DNA2: variants seen among roughly 807,000 people sequenced by gnomAD.
The protein encoded by DNA2 is DNA replication ATP-dependent helicase/nuclease DNA2.
A neutral mutation model predicts 119.1 loss-of-function variants in DNA2; 101 were observed. The observed-to-expected ratio is 0.85, with a 90% CI of 0.72 to 1.00. The LOEUF (loss-of-function observed/expected upper bound fraction) is 1.00, where lower values mean the gene tolerates loss of function less well. Ranked by LOEUF, DNA2 falls within the 50% of genes least tolerant of loss-of-function variation. The pLI, the probability that DNA2 is intolerant of heterozygous loss-of-function variation, is 0.00. For synonymous variants in DNA2, 366 were observed against 424.4 expected (o/e 0.86, Z 1.69); for missense variants, 1,121 against 1,255.5 (o/e 0.89, Z 1.62).
chr10:68,459,140 T>C lies in DNA2; in HGVS notation c.683A>G (p.Asn228Ser). The C allele has an allele frequency of 2.5e-6, 4 of 1,599,492 alleles. No individual in the cohort carries two copies. The highest frequency in any genetic ancestry group is 3.4e-6 in the Non-Finnish European group (4 of 1,172,274). Residue 228 changes from asparagine (N) to serine (S), a missense_variant, in exon 5 of 21, where the codon AAC becomes AGC. Physicochemically the swap from Asn to Ser is conservative, Grantham distance 46 (BLOSUM62 1). Coordinates refer to ENST00000358410, the MANE Select transcript of DNA2 (RefSeq NM_001080449.3). ...CKWAGDFMHK[N>S]TSTDFPQMQL... ...CATCTGAGGGAAGTCAGTCGAAGTG[T>C]TTTTATGCATGAAATCTCCTGCCCA...
intron 2 of DNA2, among the ~76,000 whole-genome samples, chr10:68,469,557 G>C (rs1231670678): frequency 6.6e-6 from 1 of 152,088 alleles, no homozygotes; most frequent in Non-Finnish European, 1.5e-5. Flanking sequence ...CCACCTCCCA[G>C]GTTCAAGCAA....
intron 19 of DNA2, among the ~76,000 whole-genome samples, chr10:68,418,830 G>A (rs2051627116): frequency 6.6e-6 from 1 of 151,548 alleles, no homozygotes; most frequent in African/African-American, 2.4e-5. Flanking sequence ...CTGCCACCAC[G>A]CCCGGCTAAT....
chr10:68,417,239 CAAAA>C (rs34123746), intron 19 of DNA2, among the ~76,000 whole-genome samples: 1 of 110,400 alleles, frequency 9.1e-6, no homozygotes, highest in African/African-American at 3.4e-5. Flanking sequence ...CCTAGCCTCT[CAAAA>C]AAAAAAAAAG....
Position 68,422,697 on chromosome 10 carries a change from C to T in DNA2, c.2402G>A (p.Arg801Lys). ...AATTAACACTTAAGTGTCTGCCTACCTTGCTTCACGGTTTAGCACCAGGGG... is the reference window on the plus strand; with the variant it reads ...AATTAACACTTAAGTGTCTGCCTACTTTGCTTCACGGTTTAGCACCAGGGG... ...LPPLVLNREA[R>K]ALGMSESLFK... The change falls in exon 15 of 21, where the codon AGA (arginine) becomes AAA (lysine). Residue 801 changes from arginine (R) to lysine (K), a missense_variant and splice_region_variant. Coordinates refer to ENST00000358410, the MANE Select transcript of DNA2 (RefSeq NM_001080449.3). 6.2e-7 allele frequency: 1 copy of T among 1,613,378 alleles called. No homozygotes were observed.
In DNA2 at chr10:68,416,760, A is replaced by G; in HGVS notation, c.3063T>C (p.Asn1021=). The G allele has an allele frequency of 6.2e-7, 1 of 1,613,964 alleles. No individual in the cohort carries two copies. Among genetic ancestry groups the G allele is most frequent in the Non-Finnish European group, 8.5e-7 (1 of 1,179,828 alleles). Residue 1021 remains asparagine (N), a synonymous_variant, in exon 20 of 21, where the codon AAT becomes AAC. Coordinates refer to ENST00000358410, the MANE Select transcript of DNA2 (RefSeq NM_001080449.3). ...GCAGCTTCTCCAAAGGAGGATAGCAATTTAGTGAGGGCACACACCCCAGAA... is the reference window on the plus strand; with the variant it reads ...GCAGCTTCTCCAAAGGAGGATAGCAGTTTAGTGAGGGCACACACCCCAGAA... ...LILLGCVPSL[N]CYPPLEKLLN...
At position 68,458,828 on chromosome 10, in the gene DNA2, C is replaced by A. The variant is rs113625215; in HGVS notation, c.719+276G>T. On this transcript the variant is annotated intron_variant, in intron 5 of 20. Coordinates refer to ENST00000358410, the MANE Select transcript of DNA2 (RefSeq NM_001080449.3). The stretch of plus-strand genomic sequence containing the variant: ...AGTGCCACTGTATTTCCAGCCTGTG[C>A]GACAGAGCAAAACTCCATCTCAAAA... Among the ~76,000 whole-genome samples, 3 of 151,510 alleles carry A rather than the reference C, an allele frequency of 2.0e-5. 1 individual carries two copies. Among genetic ancestry groups the A allele is most frequent in the African/African-American group, 7.3e-5 (3 of 41,304 alleles).
intron 3 of DNA2, among the ~76,000 whole-genome samples, chr10:68,467,353 C>T (rs2133448361): frequency 6.6e-6 from 1 of 152,146 alleles, no homozygotes; most frequent in South Asian, 2.1e-4. Flanking sequence ...TCATGAACTG[C>T]TCACCTCGGC....
At chr10:68,446,458 G>A (rs1428362676) in intron 6 of DNA2, 45 bp from the exon 7 acceptor site, 15 of 1,176,798 alleles carry the variant, frequency 1.3e-5, no homozygotes, top group Admixed American at 4.6e-5. Context: ...ATAACTTCTT[G>A]TATTTCCTTA....
intron 5 of DNA2, among the ~76,000 whole-genome samples, chr10:68,457,816 T>C (rs1034165226): frequency 1.1e-4 from 17 of 148,598 alleles, no homozygotes; most frequent in African/African-American, 4.0e-4. Flanking sequence ...ATATAGCACA[T>C]CCATATGACA....
chr10:68,417,369 G>T (rs574745484), intron 19 of DNA2, among the ~76,000 whole-genome samples: 1 of 124,978 alleles, frequency 8.0e-6, no homozygotes, highest in African/African-American at 2.9e-5. Context: ...AATGAACTAA[G>T]GAGAGGTAAA....
chr10:68,464,968 C>T (rs1349160484), intron 4 of DNA2, among the ~76,000 whole-genome samples: 3 of 147,878 alleles, frequency 2.0e-5, no homozygotes, highest in Non-Finnish European at 3.0e-5. Context: ...GCCTGGACAA[C>T]ATAGCAAGAC....
intron 5 of DNA2, among the ~76,000 whole-genome samples, chr10:68,451,323 G>A (rs2133416118): frequency 6.6e-6 from 1 of 151,756 alleles, no homozygotes; most frequent in African/African-American, 2.4e-5. Context: ...TTATAAAAGA[G>A]GTTCTGACTT....
At chr10:68,456,287 C>A (rs1373807995) in intron 5 of DNA2, among the ~76,000 whole-genome samples, 1 of 152,124 alleles carries the variant, frequency 6.6e-6, no homozygotes, top group African/African-American at 2.4e-5. Flanking sequence ...AGTTAAGGAG[C>A]CTGCTGTAGT....
intron 14 of DNA2, chr10:68,424,412 G>A: frequency 2.1e-6 from 1 of 482,670 alleles, no homozygotes; most frequent in East Asian, 4.1e-5. Context: ...GCTGAGGCAG[G>A]AGGATCACTT....
intron 3 of DNA2, among the ~76,000 whole-genome samples, chr10:68,466,099 C>G (rs2052324077): frequency 6.6e-6 from 1 of 151,870 alleles, no homozygotes; most frequent in African/African-American, 2.4e-5. Flanking sequence ...CAGCTCACTG[C>G]AACCTTCATC....
chr10:68,428,118 G>A (rs189610284), intron 14 of DNA2, among the ~76,000 whole-genome samples: 138 of 151,954 alleles, frequency 9.1e-4, no homozygotes, highest in African/African-American at 3.0e-3. Context: ...ACAAGGTCAG[G>A]AGATTGAGAC....
Position 68,443,110 on chromosome 10 carries a change from C to T in DNA2, c.1222G>A (p.Ala408Thr). ...CTACAATCCATCTGTTGTTCAACTG[C>T]TCTAAATATAAAGTTCCAAGTTAGA... ...QIGNCALYSR[A>T]VEQQMDCSSV... is the part of the protein sequence containing the mutation. Residue 408 changes from alanine (A) to threonine (T), a missense_variant and splice_region_variant, in exon 9 of 21, where the codon GCA (alanine) becomes ACA (threonine). Transcript: ENST00000358410. The T allele has an allele frequency of 1.9e-6, 3 of 1,555,262 alleles. No homozygotes were observed. The highest frequency in any genetic ancestry group is 2.6e-6 in the Non-Finnish European group (3 of 1,150,162).
chr10:68,421,111 A>C (rs987316739), intron 17 of DNA2, among the ~76,000 whole-genome samples: 4 of 151,884 alleles, frequency 2.6e-5, no homozygotes, highest in Non-Finnish European at 4.4e-5. Context: ...TAAGTTTTGC[A>C]TTTTTAGTAG....
rs757813724 is a variant in DNA2 at position 68,471,912 on chromosome 10, G to A, written c.-48C>T. On this transcript the variant is annotated 5_prime_UTR_variant, in exon 1 of 21. Transcript: ENST00000358410. ...TGTAGACAGAAAAGACAGCGGAACC[G>A]GGGGTAACACAGAAAGCTTAGAAAA... 8 of 1,613,604 alleles carry A rather than the reference G, an allele frequency of 5.0e-6. No homozygotes were observed. Among genetic ancestry groups the A allele is most frequent in the Admixed American group, 1.7e-5 (1 of 60,006 alleles).
Sources: gnomAD v4.1 joint callset for allele counts (sites outside exome capture counted in the v4.1 genomes callset) on GRCh38, gnomAD v4.1.1 for gene constraint, MANE v1.5 for transcripts, NCBI Gene and HGNC (gene_info 2026-07-23, HGNC 2026-07-21) for gene names.